Variants in HECW2 observed in about 807,000 individuals in gnomAD.
HECW2 encodes the protein HECT, C2 and WW domain containing E3 ubiquitin protein ligase 2, also known as E3 ubiquitin-protein ligase HECW2.
HECW2 carries 61 observed loss-of-function variants against 175.2 expected under a neutral mutation model. That is an observed-to-expected ratio of 0.35 (90% CI 0.28 to 0.43). The LOEUF is 0.43. Ranked by LOEUF, HECW2 falls within the 20% of genes least tolerant of loss-of-function variation. The pLI is 1.00. For synonymous variants in HECW2, 671 were observed against 731.0 expected, an observed-to-expected ratio of 0.92 and a Z score of 1.32; for missense variants, 1,524 against 2,000.5, an observed-to-expected ratio of 0.76 and a Z score of 4.54.
At chr2:196,217,275 A>G (rs564540650) in intron 26 of HECW2, 182 bp from the exon 27 acceptor site, 4 of 440,030 alleles carry the variant, frequency 9.1e-6, no homozygotes, top group African/African-American at 8.2e-5. Context: ...AAAGTTAAAC[A>G]AAAACAACAT....
At chr2:196,308,396 TG>T (rs2105715466) in intron 10 of HECW2, among the ~76,000 whole-genome samples, 1 of 152,322 alleles carries the variant, frequency 6.6e-6, no homozygotes, top group African/African-American at 2.4e-5. Flanking sequence ...TATATGTAGT[TG>T]GTTTCATAAC....
intron 2 of HECW2, among the ~76,000 whole-genome samples, chr2:196,392,623 A>G (rs1338005793): frequency 1.3e-5 from 2 of 152,176 alleles, no homozygotes; most frequent in Non-Finnish European, 1.5e-5. Flanking sequence ...TCTCCTTAAC[A>G]AAATATAAAA....
At chr2:196,219,055 T>C (rs1459178964) in intron 26 of HECW2, among the ~76,000 whole-genome samples, 1 of 152,180 alleles carries the variant, frequency 6.6e-6, no homozygotes, top group African/African-American at 2.4e-5. Flanking sequence ...CTTTTAAAAC[T>C]ACCTTTTTTA....
chr2:196,515,863 C>T (rs987829425), intron 1 of HECW2, among the ~76,000 whole-genome samples: 17 of 151,824 alleles, frequency 1.1e-4, no homozygotes, highest in African/African-American at 4.1e-4. Flanking sequence ...GTGGCTCATG[C>T]CTGTAATCCC....
intron 13 of HECW2, among the ~76,000 whole-genome samples, chr2:196,306,147 A>G (rs555592015): frequency 6.6e-6 from 1 of 152,098 alleles, no homozygotes; most frequent in African/African-American, 2.4e-5. Flanking sequence ...ATGAAGATGG[A>G]GGGAGAAGAT....
At chr2:196,238,822 A>G (rs1688348826) in intron 21 of HECW2, 1 of 152,246 alleles carries the variant, frequency 6.6e-6, no homozygotes, top group Non-Finnish European at 1.5e-5. Flanking sequence ...CCTAGGAACT[A>G]ATGTCATTAA....
At chr2:196,437,608 T>G in intron 1 of HECW2, among the ~76,000 whole-genome samples, 1 of 1,046 alleles carries the variant, frequency 9.6e-4, no homozygotes, top group Non-Finnish European at 5.0e-3. Context: ...TGAGACTCTG[T>G]CTCAAAAAAA....
chr2:196,379,686 A>C (rs1694152596), intron 2 of HECW2, among the ~76,000 whole-genome samples: 1 of 46,162 alleles, frequency 2.2e-5, no homozygotes, highest in Non-Finnish European at 7.2e-5. Context: ...CTCCGTCTCA[A>C]AAAAAAAAAA....
At chr2:196,521,761 C>T (rs1688402255) in intron 1 of HECW2, among the ~76,000 whole-genome samples, 1 of 149,826 alleles carries the variant, frequency 6.7e-6, no homozygotes, top group Non-Finnish European at 1.5e-5. Flanking sequence ...TGATAGTTTA[C>T]TGAGAATGAT....
At chr2:196,487,878 T>A (rs1334959673) in intron 1 of HECW2, among the ~76,000 whole-genome samples, 1 of 152,242 alleles carries the variant, frequency 6.6e-6, no homozygotes, top group Non-Finnish European at 1.5e-5. Flanking sequence ...AACATCTTTA[T>A]AACAGGAGTC....
chr2:196,254,134 C>T (rs1371617089), intron 18 of HECW2, 105 bp from the exon 19 acceptor site: 2 of 1,468,730 alleles, frequency 1.4e-6, no homozygotes, highest in South Asian at 1.3e-5. Context: ...GTTTATATCC[C>T]AAAGAGAGCA....
chr2:196,478,563 T>C (rs1401293767), intron 1 of HECW2, among the ~76,000 whole-genome samples: 1 of 152,086 alleles, frequency 6.6e-6, no homozygotes, highest in South Asian at 2.1e-4. Context: ...TTATTATCAC[T>C]ATTCATTTTA....
intron 22 of HECW2, 100 bp from the exon 23 acceptor site, chr2:196,225,970 T>G: frequency 1.4e-6 from 1 of 710,086 alleles, no homozygotes; most frequent in Non-Finnish European, 2.5e-6. Flanking sequence ...CCATCTAAAT[T>G]TTTCCAATAT....
chr2:196,467,864 T>TA (rs1181485791), intron 1 of HECW2, among the ~76,000 whole-genome samples: 2 of 152,242 alleles, frequency 1.3e-5, no homozygotes, highest in Non-Finnish European at 1.5e-5. Context: ...GTGTCCATGT[T>TA]ACAAAATTAC....
chr2:196,234,512 T>C (rs907852661), intron 21 of HECW2, among the ~76,000 whole-genome samples: 1 of 152,100 alleles, frequency 6.6e-6, no homozygotes, highest in African/African-American at 2.4e-5. Flanking sequence ...CCAATCTAGT[T>C]TGGAACTCCT....
chr2:196,298,966 A>G (rs1333126322), intron 13 of HECW2, among the ~76,000 whole-genome samples: 1 of 152,232 alleles, frequency 6.6e-6, no homozygotes, highest in African/African-American at 2.4e-5. Flanking sequence ...TTAATCTAGG[A>G]AAAAAGAAAA....
At chr2:196,523,582 TG>T (rs1662253802) in intron 1 of HECW2, among the ~76,000 whole-genome samples, 1 of 150,994 alleles carries the variant, frequency 6.6e-6, no homozygotes, top group South Asian at 2.1e-4. Context: ...TTCCAGTTTT[TG>T]CCCATTCAGT....
intron 1 of HECW2, among the ~76,000 whole-genome samples, chr2:196,476,947 C>CAAAAAAAAA (rs35714216): frequency 5.2e-5 from 3 of 57,404 alleles, no homozygotes; most frequent in Non-Finnish European, 9.0e-5. Flanking sequence ...CCCATCTCCA[C>CAAAAAAAAA]AAAAAAAAAA....
At chr2:196,568,792 T>A (rs938113540) in intron 1 of HECW2, among the ~76,000 whole-genome samples, 8 of 152,056 alleles carry the variant, frequency 5.3e-5, no homozygotes, top group African/African-American at 9.7e-5. Flanking sequence ...CACTAAACCA[T>A]CAACAAGTAT....
Sources: allele counts gnomAD v4.1 joint callset (sites outside exome capture counted in the v4.1 genomes callset), GRCh38; gene constraint gnomAD v4.1.1; transcripts MANE v1.5; gene names NCBI Gene and HGNC (gene_info 2026-07-23, HGNC 2026-07-21).